Variants in TNR observed in about 807,000 individuals in gnomAD.
TNR encodes the protein tenascin R, also known as tenascin-R.
In TNR, 45 loss-of-function variants were observed where a neutral mutation model predicts 150.4. The ratio of observed to expected loss-of-function variants is 0.30; its 90% confidence interval spans 0.24 to 0.38. The LOEUF (loss-of-function observed/expected upper bound fraction) is 0.38. Among genes scored for constraint, TNR ranks in the 10% least tolerant of loss-of-function variants. The pLI is 1.00. For missense variants in TNR, 1,544 were observed against 1,759.1 expected, an observed-to-expected ratio of 0.88 and a Z score of 2.19; for synonymous variants, 687 against 678.4, an observed-to-expected ratio of 1.01 and a Z score of -0.20.
Position 175,335,693 on chromosome 1 carries a change from G to T in TNR, c.3631+18C>A. 6.2e-7 allele frequency: 1 copy of T among 1,607,756 alleles called. No homozygotes were observed. The highest frequency in any genetic ancestry group is 1.1e-5 in the South Asian group (1 of 89,716). On this transcript the variant is annotated intron_variant, in intron 20 of 22. Coordinates refer to ENST00000367674, the MANE Select transcript of TNR (RefSeq NM_003285.3). The stretch of plus-strand genomic sequence containing the variant: ...AGCCAGAGAAGCACATCAATGGAAA[G>T]CAATAAGGAGGCTTTACCCAGCCAG...
rs779004846 is a variant in TNR at position 175,480,389 on chromosome 1, G to GAAAGAAAGAAAGAAA, written c.-64+47865_-64+47879dup. On this transcript the variant is annotated intron_variant, in intron 2 of 22. Transcript: ENST00000367674. ...GGGAGAGAGAAAAAAGGAAAGAGAAGAAAGAAAGAAAGAAAAAAGAAAGAA... is the reference window on the plus strand; with the variant it reads ...GGGAGAGAGAAAAAAGGAAAGAGAAGAAAGAAAGAAAGAAAAAAGAAAGAAAGAAAAAAGAAAGAA... 5.9e-5 allele frequency among the ~76,000 whole-genome samples: 5 copies of GAAAGAAAGAAAGAAA among 85,414 alleles called. No homozygotes were observed. The East Asian group carries it at 8.6e-4, about 15-fold the overall frequency. The allele number at this position is 85,414 out of a possible 152,430, so 56.0% of individuals were successfully genotyped here.
intron 2 of TNR, among the ~76,000 whole-genome samples, chr1:175,471,321 G>A (rs375269192): frequency 5.3e-5 from 8 of 152,142 alleles, no homozygotes; most frequent in African/African-American, 1.4e-4. Context: ...GTACAGTCAC[G>A]CGTTGTTTAA....
chr1:175,338,076 T>C (rs1468603530), intron 18 of TNR, among the ~76,000 whole-genome samples: 2 of 152,212 alleles, frequency 1.3e-5, no homozygotes, highest in Non-Finnish European at 2.9e-5. Flanking sequence ...ACTCAGGCAA[T>C]GATTACAGAT....
intron 1 of TNR, among the ~76,000 whole-genome samples, chr1:175,583,056 CA>C (rs1310567288): frequency 6.6e-6 from 1 of 152,008 alleles, no homozygotes; most frequent in African/African-American, 2.4e-5. Flanking sequence ...TTGTTTATTA[CA>C]AATTACTGTC....
At chr1:175,710,234 G>T (rs1451752228) in intron 1 of TNR, among the ~76,000 whole-genome samples, 1 of 152,110 alleles carries the variant, frequency 6.6e-6, no homozygotes, top group African/African-American at 2.4e-5. Context: ...AAAGGAGAGA[G>T]AAAGTCATGG....
chr1:175,365,995 G>T lies in TNR; in HGVS notation c.2197C>A (p.Pro733Thr). The stretch of plus-strand genomic sequence containing the variant: ...AGTGTGTATGAGGTCCTGTCCTTGG[G>T]TACGGTGACTTCTGAGGCAATCCCA... The part of the protein sequence containing the change: ...SSGIASEVTV[P>T]KDRTSYTLTD... The change falls in exon 11 of 23, where the codon CCC becomes ACC. Residue 733 changes from proline (P) to threonine (T), a missense_variant. Physicochemically the swap from Pro to Thr is conservative, Grantham distance 38. Around this residue, in one of 2 missense-constraint regions of TNR, gnomAD observed 1,254 missense variants for 1,329.4 expected, o/e 0.94. Coordinates refer to ENST00000367674, the MANE Select transcript of TNR (RefSeq NM_003285.3). 6.2e-7 allele frequency: 1 copy of T among 1,614,158 alleles called. No individual in the cohort carries two copies. The highest frequency in any genetic ancestry group is 8.5e-7 in the Non-Finnish European group (1 of 1,180,024).
intron 1 of TNR, among the ~76,000 whole-genome samples, chr1:175,537,958 T>C (rs536321579): frequency 2.0e-5 from 3 of 152,314 alleles, no homozygotes; most frequent in Admixed American, 6.5e-5. Flanking sequence ...GGAGACATGA[T>C]TGCCATTTTG....
At chr1:175,497,069 G>T (rs908259616) in intron 2 of TNR, among the ~76,000 whole-genome samples, 1 of 152,186 alleles carries the variant, frequency 6.6e-6, no homozygotes, top group Admixed American at 6.5e-5. Context: ...ACTCTTTTCT[G>T]ATTTTCTTAA....
At position 175,570,060 on chromosome 1, in the gene TNR, C is replaced by T. The variant is rs143659820; in HGVS notation, c.-164-41691G>A. 8.3e-3 allele frequency among the ~76,000 whole-genome samples: 1,271 copies of T among 152,302 alleles called. 13 individuals carry two copies. The highest frequency in any genetic ancestry group is 0.029 in the African/African-American group (1,207 of 41,558). On this transcript the variant is annotated intron_variant, in intron 1 of 22. Transcript: ENST00000367674. ...AATTATGGATAAAAAGGCTTTCCTTCAAGTTCTATAAATAGGAGTCCTAGG... is the reference window on the plus strand; with the variant it reads ...AATTATGGATAAAAAGGCTTTCCTTTAAGTTCTATAAATAGGAGTCCTAGG...
intron 1 of TNR, among the ~76,000 whole-genome samples, chr1:175,670,426 A>G (rs949571914): frequency 1.1e-4 from 16 of 152,226 alleles, no homozygotes; most frequent in Non-Finnish European, 1.3e-4. Context: ...CAACAAGGAA[A>G]AAAAGCATTT....
intron 1 of TNR, among the ~76,000 whole-genome samples, chr1:175,667,315 G>T (rs967232152): frequency 2.0e-5 from 3 of 152,228 alleles, no homozygotes; most frequent in Non-Finnish European, 4.4e-5. Flanking sequence ...AGCTGTGATA[G>T]TGAGGACCAT....
chr1:175,437,343 C>A (rs535983992), intron 2 of TNR, among the ~76,000 whole-genome samples: 1 of 152,138 alleles, frequency 6.6e-6, no homozygotes, highest in African/African-American at 2.4e-5. Flanking sequence ...AACAAAGACA[C>A]AACTTACCAG....
intron 2 of TNR, among the ~76,000 whole-genome samples, chr1:175,465,526 C>T (rs758892797): frequency 2.6e-5 from 4 of 152,194 alleles, no homozygotes; most frequent in Admixed American, 1.3e-4. Context: ...CCCCTGGAGT[C>T]AGCAGGGCCT....
At chr1:175,666,367 C>A (rs1436375285) in intron 1 of TNR, among the ~76,000 whole-genome samples, 1 of 152,176 alleles carries the variant, frequency 6.6e-6, no homozygotes, top group Non-Finnish European at 1.5e-5. Context: ...AACCAGGGCT[C>A]CCTGCATTCC....
chr1:175,353,608 G>A (rs1651167938), intron 18 of TNR, among the ~76,000 whole-genome samples: 1 of 152,168 alleles, frequency 6.6e-6, no homozygotes, highest in South Asian at 2.1e-4. Flanking sequence ...GTGGAATGGG[G>A]ATCATAGGCC....
At chr1:175,700,206 C>T (rs1043535909) in intron 1 of TNR, among the ~76,000 whole-genome samples, 11 of 151,778 alleles carry the variant, frequency 7.2e-5, no homozygotes, top group Admixed American at 5.9e-4. Context: ...CAGAGGAGTC[C>T]CTGTCCCAGG....
At chr1:175,671,910 C>CGTGTGTGT (rs1558065420) in intron 1 of TNR, among the ~76,000 whole-genome samples, 5 of 100,892 alleles carry the variant, frequency 5.0e-5, no homozygotes, top group African/African-American at 2.1e-4. Context: ...ATGAGCTGTA[C>CGTGTGTGT]CTGTGTGTGT....
At chr1:175,670,789 C>G (rs898884650) in intron 1 of TNR, among the ~76,000 whole-genome samples, 1 of 151,922 alleles carries the variant, frequency 6.6e-6, no homozygotes. Flanking sequence ...TCGGATGGAC[C>G]TAAAAATGTG....
intron 4 of TNR, among the ~76,000 whole-genome samples, chr1:175,402,232 G>A (rs933062295): frequency 4.5e-4 from 66 of 147,640 alleles, no homozygotes; most frequent in African/African-American, 8.0e-4. Flanking sequence ...GTGTGAACCC[G>A]GGAAGCGGAG....
Sources: gnomAD v4.1 joint callset for allele counts (sites outside exome capture counted in the v4.1 genomes callset) on GRCh38, gnomAD v4.1.1 for gene constraint, gnomAD v4.1.1 regional missense constraint, MANE v1.5 for transcripts, NCBI Gene and HGNC (gene_info 2026-07-23, HGNC 2026-07-21) for gene names.